PARVA: variants seen among roughly 807,000 people sequenced by gnomAD.
The protein encoded by PARVA is alpha-parvin.
In PARVA, 25 loss-of-function variants were observed where a neutral mutation model predicts 52.6. The ratio of observed to expected loss-of-function variants is 0.48; its 90% CI spans 0.35 to 0.66. The LOEUF is 0.66. Ranked by LOEUF, PARVA falls within the 30% of genes least tolerant of loss-of-function variation. The pLI is 0.01. For missense variants in PARVA, 373 were observed against 450.9 expected (o/e 0.83, Z 1.56); for synonymous variants, 185 against 179.1 (o/e 1.03, Z -0.26).
At chr11:12,452,907 C>T (rs951115383) in intron 1 of PARVA, 4 of 426,932 alleles carry the variant, frequency 9.4e-6, no homozygotes. Context: ...TATAGCTTCA[C>T]AGACCTCCAG....
chr11:12,459,807 C>A (rs1940751902), intron 1 of PARVA, among the ~76,000 whole-genome samples: 1 of 152,094 alleles, frequency 6.6e-6, no homozygotes, highest in East Asian at 1.9e-4. Flanking sequence ...AGAGTTTAAG[C>A]AGTAGGATTA....
At chr11:12,517,299 A>G (rs944467220) in intron 10 of PARVA, among the ~76,000 whole-genome samples, 3 of 131,064 alleles carry the variant, frequency 2.3e-5, no homozygotes, top group African/African-American at 8.6e-5. Context: ...CAGGAGCCAC[A>G]CTGACCACCC....
chr11:12,474,567 C>A (rs1037692506), intron 3 of PARVA, among the ~76,000 whole-genome samples: 1 of 152,114 alleles, frequency 6.6e-6, no homozygotes. Context: ...AAAAGGCACT[C>A]ATGAGTGTCA....
chr11:12,531,774 A>G lies in PARVA; in HGVS notation c.*3849A>G, dbSNP rs972687061. ...CCAAAAATTTGCTTAACTCTATTGG[A>G]AAATCCAAGAGAATTGCTGCAGCTG... On this transcript the variant is annotated 3_prime_UTR_variant, in exon 13 of 13. Coordinates refer to ENST00000334956, the MANE Select transcript of PARVA (RefSeq NM_018222.5). Among the ~76,000 whole-genome samples the G allele has an allele frequency of 9.9e-5, 15 of 152,016 alleles. No individual in the cohort carries two copies. The highest frequency in any genetic ancestry group is 3.6e-4 in the African/African-American group (15 of 41,366).
chr11:12,408,133 C>G (rs1284203440), intron 1 of PARVA, among the ~76,000 whole-genome samples: 1 of 152,198 alleles, frequency 6.6e-6, no homozygotes, highest in Non-Finnish European at 1.5e-5. Flanking sequence ...CCTGTTGTCA[C>G]CACATGCCCC....
chr11:12,433,487 GGTTT>G (rs1268763432), intron 1 of PARVA, among the ~76,000 whole-genome samples: 1 of 152,138 alleles, frequency 6.6e-6, no homozygotes, highest in African/African-American at 2.4e-5. Context: ...TTGTGTGGAA[GGTTT>G]GTTCTGTTTT....
At chr11:12,376,671 GC>G (rs1309320155), upstream of PARVA, 2 of 935,286 alleles carry the variant, frequency 2.1e-6, no homozygotes, top group African/African-American at 3.6e-5. Flanking sequence ...TTGCCAAGGT[GC>G]TGTGAGTCTG....
rs569620050 is a variant in PARVA, at chr11:12,380,536, G to T, written c.136+2753G>T. Among the ~76,000 whole-genome samples, 184 of 151,146 alleles carry T rather than the reference G, an allele frequency of 1.2e-3. 18 individuals carry two copies. Among genetic ancestry groups the T allele is most frequent in the African/African-American group, 4.2e-3 (169 of 40,684 alleles). On this transcript the variant is annotated intron_variant, in intron 1 of 12. Transcript: ENST00000334956. ...GCATCACCTACTGGTGCTGAACCCAGTGGGAAGCCATCAGAGCAAGGGATC... is the reference window on the plus strand; with the variant it reads ...GCATCACCTACTGGTGCTGAACCCATTGGGAAGCCATCAGAGCAAGGGATC...
Position 12,498,940 on chromosome 11 carries a change from C to A in PARVA, c.541+2342C>A, listed in dbSNP as rs145878367. On this transcript the variant is annotated intron_variant, in intron 5 of 12. Transcript: ENST00000334956. ...TTACATCACACGTATTTTCTACATTCCCTCGTGGTCTTTGTAGTTAAAATT... is the reference window on the plus strand; with the variant it reads ...TTACATCACACGTATTTTCTACATTACCTCGTGGTCTTTGTAGTTAAAATT... Among the ~76,000 whole-genome samples the A allele has an allele frequency of 1.9e-3, 296 of 152,260 alleles. 1 individual carries two copies. The highest frequency in any genetic ancestry group is 6.8e-3 in the African/African-American group (282 of 41,554).
rs566628820 is a variant in PARVA at position 12,427,257 on chromosome 11, T to C, written c.137-46488T>C. Among the ~76,000 whole-genome samples, 350 of 152,358 alleles carry C rather than the reference T, an allele frequency of 2.3e-3. 2 individuals carry two copies. Among genetic ancestry groups the C allele is most frequent in the African/African-American group, 8.3e-3 (344 of 41,588 alleles). The stretch of plus-strand genomic sequence containing the variant: ...AGCTAACCCAGCTGAAACAGATACT[T>C]AGATAGCATGAGATAATGAAATTGG... On this transcript the variant is annotated intron_variant, in intron 1 of 12. Transcript: ENST00000334956.
intron 1 of PARVA, chr11:12,453,033 T>A (rs1240883791): frequency 2.2e-6 from 1 of 456,372 alleles, no homozygotes; most frequent in East Asian, 7.0e-5. Flanking sequence ...GCCCTCAAGG[T>A]AGGTCAGAGC....
chr11:12,489,890 CAA>C (rs1044412729), intron 4 of PARVA, among the ~76,000 whole-genome samples: 12 of 151,954 alleles, frequency 7.9e-5, no homozygotes, highest in Admixed American at 6.6e-4. Context: ...CATACACAGC[CAA>C]AAAAACTGTT....
intron 4 of PARVA, among the ~76,000 whole-genome samples, chr11:12,490,692 G>A (rs1264364678): frequency 6.6e-6 from 1 of 152,062 alleles, no homozygotes; most frequent in African/African-American, 2.4e-5. Flanking sequence ...ATCATGGTGG[G>A]TAGATCAAAG....
At chr11:12,410,944 C>T (rs748123463) in intron 1 of PARVA, among the ~76,000 whole-genome samples, 6 of 152,174 alleles carry the variant, frequency 3.9e-5, no homozygotes, top group East Asian at 1.9e-4. Context: ...TGTCTAACCT[C>T]GCCGTACCTC....
chr11:12,511,962 A>G (rs1941507995), intron 8 of PARVA, among the ~76,000 whole-genome samples: 1 of 152,316 alleles, frequency 6.6e-6, no homozygotes, highest in African/African-American at 2.4e-5. Flanking sequence ...GCAGATGGAT[A>G]AACAACAATC....
At chr11:12,378,574 CTT>C (rs373881363) in intron 1 of PARVA, among the ~76,000 whole-genome samples, 77,115 of 114,622 alleles carry the variant, frequency 0.67, 28,727 homozygotes, top group East Asian at 0.89. Context: ...CGACCTTATT[CTT>C]TTTTTTTTTT....
At chr11:12,493,896 A>C (rs1003865834) in intron 4 of PARVA, among the ~76,000 whole-genome samples, 9 of 152,178 alleles carry the variant, frequency 5.9e-5, no homozygotes, top group Non-Finnish European at 8.8e-5. Flanking sequence ...CAGCCCTCAC[A>C]GGTTAAGGGC....
intron 4 of PARVA, among the ~76,000 whole-genome samples, chr11:12,482,156 CAAAAAAAAAAAAAAAA>C (rs1941096439): frequency 1.6e-5 from 1 of 60,654 alleles, no homozygotes; most frequent in South Asian, 4.9e-4. Flanking sequence ...AACCCTGTCT[CAAAAAAAAAAAAAAAA>C]GAAAAAGAAA....
chr11:12,493,355 C>CAA (rs11286221), intron 4 of PARVA, among the ~76,000 whole-genome samples: 3 of 130,572 alleles, frequency 2.3e-5, no homozygotes, highest in Non-Finnish European at 3.3e-5. Flanking sequence ...GACTCCATCT[C>CAA]AAAAAAAAAA....
Sources: allele counts gnomAD v4.1 joint callset (sites outside exome capture counted in the v4.1 genomes callset), GRCh38; gene constraint gnomAD v4.1.1; transcripts MANE v1.5; gene names NCBI Gene and HGNC (gene_info 2026-07-23, HGNC 2026-07-21).